The following IFNAR1 variants were observed in gnomAD, a reference collection of about 807,000 sequenced individuals.
IFNAR1 encodes interferon alpha/beta receptor 1.
IFNAR1 carries 47 observed loss-of-function variants against 62.1 expected under a neutral mutation model. That is an observed-to-expected ratio of 0.76 (90% CI 0.60 to 0.97). The LOEUF (loss-of-function observed/expected upper bound fraction) is 0.97, where lower values mean the gene tolerates loss of function less well. Ranked by LOEUF, IFNAR1 falls within the 50% of genes least tolerant of loss-of-function variation. The probability of loss-of-function intolerance (pLI) is 0.00; values close to 1 mark genes in which losing one functional copy is unlikely to be tolerated. For missense variants in IFNAR1, 638 were observed against 654.5 expected (o/e 0.97, Z 0.27); for synonymous variants, 219 against 226.9 (o/e 0.97, Z 0.31).
At chr21:33,351,183 C>T (rs909993828) in intron 8 of IFNAR1, among the ~76,000 whole-genome samples, 2 of 152,070 alleles carry the variant, frequency 1.3e-5, no homozygotes, top group African/African-American at 2.4e-5. Context: ...ACAACCCTGC[C>T]GGATTATGTG....
Position 33,324,989 on chromosome 21 carries a change from C to T in IFNAR1, c.-67C>T. 2.1e-6 allele frequency: 3 copies of T among 1,412,802 alleles called. No individual in the cohort carries two copies. Among genetic ancestry groups the T allele is most frequent in the East Asian group, 2.5e-5 (1 of 40,282 alleles). 87.5% of individuals were successfully genotyped at this position (1,412,802 alleles called of 1,614,324 possible). ...AGGGGCGGTGTGACTTAGGACGGGGCGATGGCGGCTGAGAGGAGCTGCGCG... is the reference window on the plus strand; with the variant it reads ...AGGGGCGGTGTGACTTAGGACGGGGTGATGGCGGCTGAGAGGAGCTGCGCG... On this transcript the variant is annotated 5_prime_UTR_variant, in exon 1 of 11. Transcript: ENST00000270139.
Position 33,353,736 on chromosome 21 carries a change from A to T in IFNAR1, c.1393A>T (p.Asn465Tyr), listed in dbSNP as rs777131808. Residue 465 changes from asparagine to tyrosine, a missense_variant, in exon 10 of 11, where the codon AAT (asparagine) becomes TAT (tyrosine). Physicochemically the swap from Asn to Tyr is moderately radical, Grantham distance 143. Coordinates refer to ENST00000270139, the MANE Select transcript of IFNAR1 (RefSeq NM_000629.3). ...TGCGAAAGTCTTCTTGAGATGCATC[A>T]ATTATGTCTTCTTTCCATCACTTAA... ...YAAKVFLRCI[N>Y]YVFFPSLKPS... The T allele has an allele frequency of 8.9e-5, 141 of 1,589,796 alleles. No homozygotes were observed. In the East Asian group the frequency reaches 3.2e-3, roughly 36 times the overall value.
At chr21:33,344,820 C>T (rs1259844051) in intron 5 of IFNAR1, among the ~76,000 whole-genome samples, 1 of 131,312 alleles carries the variant, frequency 7.6e-6, no homozygotes, top group Non-Finnish European at 1.8e-5. Context: ...CAGAGTCTCA[C>T]TCTCTTGCCC....
chr21:33,353,307 T>G (rs532897868), intron 9 of IFNAR1, among the ~76,000 whole-genome samples: 5 of 152,334 alleles, frequency 3.3e-5, no homozygotes, highest in African/African-American at 1.2e-4. Flanking sequence ...GTTTCTAGTG[T>G]TGACCGGTAG....
intron 8 of IFNAR1, among the ~76,000 whole-genome samples, chr21:33,351,061 C>T (rs1157926847): frequency 5.9e-5 from 9 of 152,166 alleles, no homozygotes; most frequent in Admixed American, 5.9e-4. Flanking sequence ...GCCATCTTAA[C>T]CTATACTGGA....
chr21:33,354,927 A>C (rs930598703), intron 10 of IFNAR1, among the ~76,000 whole-genome samples: 17 of 152,140 alleles, frequency 1.1e-4, no homozygotes, highest in African/African-American at 3.9e-4. Context: ...ACAATAGCCA[A>C]TAATTTCTCA....
intron 2 of IFNAR1, 33 bp from the exon 3 acceptor site, chr21:33,340,966 C>G (rs777429650): frequency 1.5e-6 from 2 of 1,362,672 alleles, no homozygotes; most frequent in East Asian, 4.6e-5. Context: ...TATACATTTG[C>G]TCACTCATTC....
In IFNAR1 at chr21:33,355,624, C is replaced by T. The variant is rs1222200370; in HGVS notation, c.*75C>T. The T allele has an allele frequency of 2.8e-6, 2 of 718,416 alleles. No homozygotes were observed. The highest frequency in any genetic ancestry group is 2.3e-6 in the Non-Finnish European group (1 of 429,626). The allele number at this position is 718,416 out of a possible 1,614,324, so 44.5% of individuals were successfully genotyped here. ...GGGAGCCTGAGGTCCTCACCTTCCTCTCAGTAACTACAGAGAGGACGTTTC... is the reference window on the plus strand; with the variant it reads ...GGGAGCCTGAGGTCCTCACCTTCCTTTCAGTAACTACAGAGAGGACGTTTC... On this transcript the variant is annotated 3_prime_UTR_variant, in exon 11 of 11. Coordinates refer to ENST00000270139, the MANE Select transcript of IFNAR1 (RefSeq NM_000629.3).
chr21:33,334,449 C>A, intron 1 of IFNAR1: 3 of 290,850 alleles, frequency 1.0e-5, no homozygotes, highest in East Asian at 9.1e-5. Flanking sequence ...AAAACAAAAC[C>A]AAAAAACTCA....
At chr21:33,333,946 A>G (rs369007473) in intron 1 of IFNAR1, among the ~76,000 whole-genome samples, 56 of 152,288 alleles carry the variant, frequency 3.7e-4, no homozygotes, top group Non-Finnish European at 6.5e-4. Flanking sequence ...CACTTCACCT[A>G]TAAAGACACA....
rs997078033 is a variant in IFNAR1 at position 33,355,449 on chromosome 21, A to G, written c.1574A>G (p.Lys525Arg). The G allele has an allele frequency of 6.2e-7, 1 of 1,605,454 alleles. No homozygotes were observed. Among genetic ancestry groups the G allele is most frequent in the South Asian group, 1.1e-5 (1 of 89,538 alleles). ...ACTAATCAAACTGATGAAGATCATA[A>G]AAAATACAGTTCCCAAACTAGCCAA... ...EETNQTDEDH[K>R]KYSSQTSQDS... Residue 525 changes from lysine to arginine, a missense_variant, in exon 11 of 11, where the codon AAA (lysine) becomes AGA (arginine). Physicochemically the swap from Lys to Arg is conservative, Grantham distance 26. Coordinates refer to ENST00000270139, the MANE Select transcript of IFNAR1 (RefSeq NM_000629.3).
intron 2 of IFNAR1, among the ~76,000 whole-genome samples, chr21:33,338,836 G>A (rs553075231): frequency 1.1e-4 from 16 of 151,090 alleles, no homozygotes; most frequent in Non-Finnish European, 1.9e-4. Context: ...TCCGCCTCCC[G>A]GGTTCAAGCA....
intron 3 of IFNAR1, 127 bp downstream of exon 3, chr21:33,341,301 A>T (rs978479439): frequency 3.1e-6 from 2 of 641,098 alleles, no homozygotes; most frequent in Non-Finnish European, 5.2e-6. Context: ...ATTCCCTTAA[A>T]CCTATATCTT....
chr21:33,352,652 G>T, intron 8 of IFNAR1, 106 bp from the exon 9 acceptor site: 1 of 579,770 alleles, frequency 1.7e-6, no homozygotes, highest in South Asian at 2.9e-5. Context: ...TACCAACTAC[G>T]TGGGAGAGGC....
chr21:33,354,554 CT>C (rs202099507), intron 10 of IFNAR1, among the ~76,000 whole-genome samples: 3 of 151,994 alleles, frequency 2.0e-5, no homozygotes, highest in Non-Finnish European at 4.4e-5. Flanking sequence ...AAACATGAGA[CT>C]TTTTTTATGA....
Position 33,337,688 on chromosome 21 carries a change from G to A in IFNAR1, c.200+2041G>A, listed in dbSNP as rs116102876. Among the ~76,000 whole-genome samples the A allele has an allele frequency of 7.8e-3, 1,098 of 140,850 alleles. 12 individuals carry two copies. The highest frequency in any genetic ancestry group is 0.026 in the African/African-American group (1,037 of 40,486). The allele number at this position is 140,850 out of a possible 152,430, so 92.4% of individuals were successfully genotyped here. A position where few individuals can be genotyped will look rare whatever the true frequency, so the allele number is the denominator to read the frequency against. On this transcript the variant is annotated intron_variant, in intron 2 of 10. Transcript: ENST00000270139. ...CATTACACTATATATAATACATACTGTATACATACATATACACACATTGTG... is the reference window on the plus strand; with the variant it reads ...CATTACACTATATATAATACATACTATATACATACATATACACACATTGTG...
Position 33,353,792 on chromosome 21 carries a change from C to CT in IFNAR1, c.1440+16dup, listed in dbSNP as rs1189475296. 1.3e-6 allele frequency: 2 copies of CT among 1,538,292 alleles called. No homozygotes were observed. Among genetic ancestry groups the CT allele is most frequent in the Non-Finnish European group, 1.8e-6 (2 of 1,142,684 alleles). On this transcript the variant is annotated intron_variant, in intron 10 of 10. Coordinates refer to ENST00000270139, the MANE Select transcript of IFNAR1 (RefSeq NM_000629.3). ...CTTCCAGTATAGATGAGGTATGTTA[C>CT]TTTTTTTATTTTTTTGTCAACAGCT...
chr21:33,338,894 C>T (rs2083269013), intron 2 of IFNAR1, among the ~76,000 whole-genome samples: 2 of 151,688 alleles, frequency 1.3e-5, no homozygotes, highest in Non-Finnish European at 2.9e-5. Flanking sequence ...AGGCATGCAC[C>T]CCCACGCCCG....
intron 1 of IFNAR1, among the ~76,000 whole-genome samples, chr21:33,329,446 C>A (rs542810065): frequency 6.6e-6 from 1 of 151,726 alleles, no homozygotes; most frequent in African/African-American, 2.4e-5. Context: ...GATGGGGAGA[C>A]CTGATGGGTA....
Sources: gnomAD v4.1 joint callset for allele counts (sites outside exome capture counted in the v4.1 genomes callset) on GRCh38, gnomAD v4.1.1 for gene constraint, MANE v1.5 for transcripts, NCBI Gene and HGNC (gene_info 2026-07-23, HGNC 2026-07-21) for gene names.